DLGAP3: variants seen among roughly 807,000 people sequenced by gnomAD.
The protein encoded by DLGAP3 is disks large-associated protein 3.
In DLGAP3, 17 loss-of-function variants were observed where a neutral mutation model predicts 81.2. The ratio of observed to expected loss-of-function variants is 0.21; its 90% confidence interval spans 0.14 to 0.31. The LOEUF is 0.31. Ranked by LOEUF, DLGAP3 falls within the 10% of genes least tolerant of loss-of-function variation. The probability of loss-of-function intolerance (pLI) is 1.00; values close to 1 mark genes in which losing one functional copy is unlikely to be tolerated. For missense variants in DLGAP3, 1,124 were observed against 1,388.0 expected, an observed-to-expected ratio of 0.81 and a Z score of 3.02; for synonymous variants, 577 against 587.4, an observed-to-expected ratio of 0.98 and a Z score of 0.26.
At chr1:34,916,588 T>C (rs993783151) in intron 1 of DLGAP3, among the ~76,000 whole-genome samples, 4 of 152,254 alleles carry the variant, frequency 2.6e-5, no homozygotes, top group Non-Finnish European at 5.9e-5. Flanking sequence ...AAGAAGGATT[T>C]GAATCTGAGT....
chr1:34,897,595 G>A (rs1315735560), intron 5 of DLGAP3, among the ~76,000 whole-genome samples: 4 of 152,192 alleles, frequency 2.6e-5, no homozygotes, highest in Non-Finnish European at 5.9e-5. Context: ...CGAAAGCCAT[G>A]GTTAGGTTCT....
chr1:34,918,553 C>T (rs1017614047), intron 1 of DLGAP3, among the ~76,000 whole-genome samples: 1 of 152,184 alleles, frequency 6.6e-6, no homozygotes, highest in African/African-American at 2.4e-5. Context: ...GAGGCCCGGG[C>T]AGGGGGGCTC....
In DLGAP3 at chr1:34,867,755, C is replaced by CCCA. The variant is rs1302809499; in HGVS notation, c.2486-131_2486-129dup. On this transcript the variant is annotated intron_variant, in intron 9 of 11. Coordinates refer to ENST00000373347, the MANE Select transcript of DLGAP3 (RefSeq NM_001080418.3). The surrounding 1 kb of genome is among the most constrained non-coding windows in gnomAD (Gnocchi z 4.3). ...TGTGTATCCATCAGTCTCCTCCAGCCCCAGCCCCATCCCATCCTCAAGTTC... is the reference window on the plus strand; with the variant it reads ...TGTGTATCCATCAGTCTCCTCCAGCCCCACCAGCCCCATCCCATCCTCAAGTTC... 1.3e-6 allele frequency: 1 copy of CCCA among 767,510 alleles called. No individual in the cohort carries two copies. Among genetic ancestry groups the CCCA allele is most frequent in the Non-Finnish European group, 2.3e-6 (1 of 436,910 alleles). 47.5% of individuals were successfully genotyped at this position (767,510 alleles called of 1,614,324 possible).
In DLGAP3 at chr1:34,904,840, C is replaced by G. The variant is rs1486500060; in HGVS notation, c.544G>C (p.Ala182Pro). Reference protein sequence around the residue: ...HLVHSVQKLFAKSHSLEAPGK... With the variant: ...HLVHSVQKLFPKSHSLEAPGK... ...GGCGCCTCCAGAGAGTGGGACTTGG[C>G]AAAGAGCTTCTGCACAGAATGAACC... is the stretch of plus-strand genomic sequence containing the variant. Residue 182 changes from alanine to proline, a missense_variant, in exon 3 of 12, where the codon GCC (alanine) becomes CCC (proline). Ala to Pro is a conservative substitution (Grantham distance 27). Coordinates refer to ENST00000373347, the MANE Select transcript of DLGAP3 (RefSeq NM_001080418.3). The surrounding 1 kb of genome is among the most constrained non-coding windows in gnomAD (Gnocchi z 8.1). 1 of 1,610,034 alleles carries G rather than the reference C, an allele frequency of 6.2e-7. No homozygotes were observed. Among genetic ancestry groups the G allele is most frequent in the Non-Finnish European group, 8.5e-7 (1 of 1,180,018 alleles).
chr1:34,885,400 G>A, intron 7 of DLGAP3, 78 bp downstream of exon 7: 1 of 1,478,462 alleles, frequency 6.8e-7, no homozygotes, highest in Non-Finnish European at 9.3e-7. Context: ...GATATATCCA[G>A]AAGGCCGCTT....
Position 34,929,036 on chromosome 1 carries a change from GACAC to G in DLGAP3, c.-135+411_-135+414del, listed in dbSNP as rs1639917185. The stretch of plus-strand genomic sequence containing the variant: ...CCCACACAGTGACACACTCGGCACA[GACAC>G]ACAGCGACACGCACTCACATTCACA... On this transcript the variant is annotated intron_variant, in intron 1 of 11. Transcript: ENST00000373347. The surrounding 1 kb of genome is among the most constrained non-coding windows in gnomAD (Gnocchi z 6.5). Among the ~76,000 whole-genome samples, 1 of 151,920 alleles carries G rather than the reference GACAC, an allele frequency of 6.6e-6. No homozygotes were observed. The highest frequency in any genetic ancestry group is 2.4e-5 in the African/African-American group (1 of 41,378).
At chr1:34,876,231 C>T (rs979181689) in intron 8 of DLGAP3, among the ~76,000 whole-genome samples, 2 of 152,212 alleles carry the variant, frequency 1.3e-5, no homozygotes, top group Non-Finnish European at 2.9e-5. Flanking sequence ...GCCAAGTCAT[C>T]ACTGACACTG....
At chr1:34,926,000 G>A (rs1639866791) in intron 1 of DLGAP3, among the ~76,000 whole-genome samples, 3 of 152,212 alleles carry the variant, frequency 2.0e-5, no homozygotes, top group Admixed American at 2.0e-4. Context: ...TCTGATGCTT[G>A]GAAGCATGTT....
intron 8 of DLGAP3, among the ~76,000 whole-genome samples, chr1:34,883,678 A>T (rs1390424773): frequency 3.3e-5 from 5 of 152,252 alleles, no homozygotes; most frequent in African/African-American, 1.2e-4. Flanking sequence ...GCAGGCAACC[A>T]GGGCAGCATT....
intron 11 of DLGAP3, 108 bp downstream of exon 11, chr1:34,866,940 G>A (rs1638891815): frequency 7.6e-7 from 1 of 1,315,360 alleles, no homozygotes; most frequent in African/African-American, 1.4e-5. Flanking sequence ...TGCCCTTGCT[G>A]CCCATGGATC....
rs762454988 is a variant in DLGAP3 at position 34,869,011 on chromosome 1, C to T, written c.2079G>A (p.Leu693=). 2 of 1,603,978 alleles carry T rather than the reference C, an allele frequency of 1.2e-6. No individual in the cohort carries two copies. Among genetic ancestry groups the T allele is most frequent in the Middle Eastern group, 3.3e-4 (2 of 6,050 alleles). Residue 693 remains leucine, a synonymous_variant, in exon 9 of 12, where the codon CTG becomes CTA. Transcript: ENST00000373347. ...ADLELEGLAG[L]ATVATEDKAL... ...CCTTGTCTTCTGTGGCCACCGTGGC[C>T]AGGCCTGCCAGGCCCTCCAGCTCCA... is the stretch of plus-strand genomic sequence containing the variant.
chr1:34,866,451 A>C, intron 11 of DLGAP3, 150 bp from the exon 12 acceptor site: 1 of 678,470 alleles, frequency 1.5e-6, no homozygotes, highest in Non-Finnish European at 2.4e-6. Flanking sequence ...CGTGACCTGA[A>C]GCCCCAGGTG....
intron 2 of DLGAP3, among the ~76,000 whole-genome samples, chr1:34,906,706 G>A (rs1639560678): frequency 6.6e-6 from 1 of 152,192 alleles, no homozygotes; most frequent in South Asian, 2.1e-4. Context: ...ATCCTAAACT[G>A]GGATTGGAAC....
Position 34,905,174 on chromosome 1 carries a change from C to T in DLGAP3, c.210G>A (p.Ser70=), listed in dbSNP as rs748045752. The T allele has an allele frequency of 8.7e-5, 137 of 1,576,632 alleles. 1 individual carries two copies. The highest frequency in any genetic ancestry group is 3.7e-5 in the Non-Finnish European group (43 of 1,160,938). Reference sequence around the variant, plus strand: ...CCGCTGGCCCTCCCTCAGGGCCTACCGACGGCCCCTCACTCAGGCTCAGGG... The same window carrying T: ...CCGCTGGCCCTCCCTCAGGGCCTACTGACGGCCCCTCACTCAGGCTCAGGG... The part of the protein sequence containing the change: ...EGPLSLSEGP[S]VGPEGGPAGA... The change falls in exon 3 of 12, where the codon TCG becomes TCA. Residue 70 remains serine, a synonymous_variant. Coordinates refer to ENST00000373347, the MANE Select transcript of DLGAP3 (RefSeq NM_001080418.3).
rs1035903623 is a variant in DLGAP3, at chr1:34,895,240, C to T, written c.1386+4429G>A. Reference sequence around the variant, plus strand: ...AAAATTAGCCAGGCGTGGTGGCGGGCGCCTGTAGTCTCAGCTACTCCGGAG... The same window carrying T: ...AAAATTAGCCAGGCGTGGTGGCGGGTGCCTGTAGTCTCAGCTACTCCGGAG... On this transcript the variant is annotated intron_variant, in intron 5 of 11. Transcript: ENST00000373347. This position sits in a 1 kb window ranked among gnomAD's most constrained non-coding sequence, Gnocchi z 4.5. 8.6e-5 allele frequency among the ~76,000 whole-genome samples: 13 copies of T among 151,784 alleles called. No individual in the cohort carries two copies. In the East Asian group the frequency reaches 9.7e-4, roughly 11 times the overall value.
intron 1 of DLGAP3, among the ~76,000 whole-genome samples, chr1:34,917,668 G>A (rs1569664287): frequency 1.3e-5 from 2 of 152,294 alleles, no homozygotes; most frequent in East Asian, 3.9e-4. Flanking sequence ...TGATGTTTGT[G>A]TGCATAGAAG....
rs1365376704 is a variant in DLGAP3 at position 34,868,674 on chromosome 1, C to T, written c.2416G>A (p.Val806Met). 1.9e-6 allele frequency: 3 copies of T among 1,612,692 alleles called. No individual in the cohort carries two copies. The highest frequency in any genetic ancestry group is 3.3e-5 in the Admixed American group (2 of 60,032). ...EWFIKMLRAEVEKLEHWCQQM... is the reference protein window; with the variant it reads ...EWFIKMLRAEMEKLEHWCQQM... ...TGGCACCAGTGCTCCAGCTTCTCCA[C>T]CTCTGCCCGCAGCATCTTGATGAAC... is the stretch of plus-strand genomic sequence containing the variant. Residue 806 changes from valine (V) to methionine (M), a missense_variant, in exon 9 of 12, where the codon GTG becomes ATG. Physicochemically the swap from Val to Met is conservative, Grantham distance 21. Transcript: ENST00000373347. The surrounding 1 kb of genome is among the most constrained non-coding windows in gnomAD (Gnocchi z 7.5).
At chr1:34,914,518 G>A (rs1365723519) in intron 1 of DLGAP3, among the ~76,000 whole-genome samples, 1 of 152,176 alleles carries the variant, frequency 6.6e-6, no homozygotes, top group Admixed American at 6.5e-5. Context: ...TGGCTTCTGG[G>A]TCTTAAGCTA....
At chr1:34,921,318 A>G (rs1639792156) in intron 1 of DLGAP3, among the ~76,000 whole-genome samples, 1 of 152,130 alleles carries the variant, frequency 6.6e-6, no homozygotes. Context: ...TGGAAGTGGG[A>G]AGACCATCTG....
Sources: allele counts gnomAD v4.1 joint callset (sites outside exome capture counted in the v4.1 genomes callset), GRCh38; gene constraint gnomAD v4.1.1; non-coding constraint Gnocchi (gnomAD v3.1); transcripts MANE v1.5; gene names NCBI Gene and HGNC (gene_info 2026-07-23, HGNC 2026-07-21).